Variants in COL13A1 observed in about 807,000 individuals in gnomAD.
COL13A1 encodes collagen type XIII alpha 1 chain.
Under a neutral mutation model 130.9 loss-of-function variants are expected in COL13A1, and 89 were observed. The ratio of observed to expected loss-of-function variants is 0.68; its 90% CI spans 0.57 to 0.81. COL13A1 has a LOEUF of 0.81. COL13A1 is among the 30% of genes least tolerant of loss of function. The probability of loss-of-function intolerance (pLI) is 0.00; values close to 1 mark genes in which losing one functional copy is unlikely to be tolerated. For missense variants in COL13A1, 879 were observed against 934.6 expected, an observed-to-expected ratio of 0.94 and a Z score of 0.78; for synonymous variants, 402 against 341.6, an observed-to-expected ratio of 1.18 and a Z score of -1.95.
chr10:69,935,827 T>C (rs2066760191), intron 32 of COL13A1, among the ~76,000 whole-genome samples: 1 of 151,600 alleles, frequency 6.6e-6, no homozygotes, highest in African/African-American at 2.4e-5. Flanking sequence ...CTGGGCAACA[T>C]AATGAAACCC....
chr10:69,873,049 C>A (rs1284728606), intron 4 of COL13A1, among the ~76,000 whole-genome samples: 1 of 152,076 alleles, frequency 6.6e-6, no homozygotes, highest in Non-Finnish European at 1.5e-5. Flanking sequence ...GGTATGTGTA[C>A]CATGGGCCCT....
At chr10:69,957,846 C>T (rs1387195913) in intron 40 of COL13A1, among the ~76,000 whole-genome samples, 1 of 152,148 alleles carries the variant, frequency 6.6e-6, no homozygotes, top group East Asian at 1.9e-4. Context: ...CTCACCAACC[C>T]CCCACCACCA....
Position 69,802,332 on chromosome 10 carries a change from C to T in COL13A1, c.-92C>T. 1 of 1,317,254 alleles carries T rather than the reference C, an allele frequency of 7.6e-7. No homozygotes were observed. The highest frequency in any genetic ancestry group is 9.8e-7 in the Non-Finnish European group (1 of 1,021,128). 81.6% of individuals were successfully genotyped at this position (1,317,254 alleles called of 1,614,324 possible). On this transcript the variant is annotated 5_prime_UTR_variant, in exon 1 of 41. Coordinates refer to ENST00000645393, the MANE Select transcript of COL13A1 (RefSeq NM_001368882.1). ...TTTCCAGCGATACAAGCCCTTTCCC[C>T]CTGCCCCGCAGTTTGGATAGAGCCT...
intron 7 of COL13A1, among the ~76,000 whole-genome samples, chr10:69,886,404 C>T (rs990710677): frequency 6.6e-6 from 1 of 152,194 alleles, no homozygotes; most frequent in African/African-American, 2.4e-5. Context: ...AGAATTTAGT[C>T]TGCCAGTCTA....
intron 38 of COL13A1, among the ~76,000 whole-genome samples, chr10:69,949,956 TTGTGTGTGCG>T (rs1565161268): frequency 7.1e-6 from 1 of 139,936 alleles, no homozygotes; most frequent in Non-Finnish European, 1.6e-5. Flanking sequence ...GTGCGTGTGT[TTGTGTGTGCG>T]TGTGTGTGTG....
chr10:69,938,113 G>A (rs1278396008), intron 34 of COL13A1, among the ~76,000 whole-genome samples: 2 of 152,242 alleles, frequency 1.3e-5, no homozygotes, highest in Non-Finnish European at 2.9e-5. Flanking sequence ...GGGACCCCAA[G>A]AGAACTCTTG....
rs1181863621 is a variant in COL13A1, at chr10:69,889,490, G to T, written c.603+50G>T. Reference sequence around the variant, plus strand: ...CCCGAGATGGGTGGGGGTTGGCCCAGCCTCACAGGCACAGCCAAGCACTGC... The same window carrying T: ...CCCGAGATGGGTGGGGGTTGGCCCATCCTCACAGGCACAGCCAAGCACTGC... On this transcript the variant is annotated intron_variant, in intron 10 of 40. Transcript: ENST00000645393. The T allele has an allele frequency of 2.5e-6, 4 of 1,598,988 alleles. No individual in the cohort carries two copies. In the African/African-American group the frequency reaches 5.4e-5, roughly 21 times the overall value.
At chr10:69,881,939 C>G (rs573022015) in intron 7 of COL13A1, among the ~76,000 whole-genome samples, 2 of 152,332 alleles carry the variant, frequency 1.3e-5, no homozygotes, top group African/African-American at 4.8e-5. Flanking sequence ...CCATCTGGCT[C>G]CAGTCTGCTT....
intron 2 of COL13A1, among the ~76,000 whole-genome samples, chr10:69,862,815 G>A (rs531593021): frequency 7.9e-5 from 12 of 152,252 alleles, no homozygotes; most frequent in African/African-American, 2.9e-4. Flanking sequence ...CTGTAGAGTG[G>A]GAACAATAAC....
At chr10:69,808,071 A>C (rs73263799) in intron 1 of COL13A1, among the ~76,000 whole-genome samples, 103 of 152,288 alleles carry the variant, frequency 6.8e-4, no homozygotes, top group African/African-American at 2.4e-3. Flanking sequence ...ACAGGTGCTT[A>C]CTATAAAGGC....
At chr10:69,816,196 T>C (rs964749383) in intron 1 of COL13A1, among the ~76,000 whole-genome samples, 1 of 146,486 alleles carries the variant, frequency 6.8e-6, no homozygotes, top group Non-Finnish European at 1.5e-5. Flanking sequence ...GTGGTAGTCA[T>C]GGAGGTGGTG....
chr10:69,811,150 TCTC>T (rs1842937433), intron 1 of COL13A1, among the ~76,000 whole-genome samples: 1 of 152,074 alleles, frequency 6.6e-6, no homozygotes, highest in African/African-American at 2.4e-5. Flanking sequence ...TCTGGGTCAT[TCTC>T]CTTTGAGCAT....
At chr10:69,855,315 T>C (rs1856099384) in intron 2 of COL13A1, among the ~76,000 whole-genome samples, 1 of 152,162 alleles carries the variant, frequency 6.6e-6, no homozygotes. Context: ...TTTCTTTATT[T>C]CTTCCTGGCC....
intron 38 of COL13A1, among the ~76,000 whole-genome samples, chr10:69,950,127 A>G (rs75919229): frequency 0.013 from 1,966 of 151,678 alleles, 44 homozygotes; most frequent in Middle Eastern, 0.058. Context: ...TAATAGTCCC[A>G]CGTCCTTCAT....
In COL13A1 at chr10:69,945,855, G is replaced by A. The variant is rs1193009779; in HGVS notation, c.2022+131G>A. The A allele has an allele frequency of 7.3e-6, 8 of 1,099,360 alleles. No individual in the cohort carries two copies. In the African/African-American group the frequency reaches 7.9e-5, roughly 11 times the overall value. 68.1% of individuals were successfully genotyped at this position (1,099,360 alleles called of 1,614,324 possible). On this transcript the variant is annotated intron_variant, in intron 37 of 40. Coordinates refer to ENST00000645393, the MANE Select transcript of COL13A1 (RefSeq NM_001368882.1). Reference sequence around the variant, plus strand: ...TGGGAGGCCGAGGCGGGCGCATCACGAGGTCAGGAGATCAAGACTATCCTG... The same window carrying A: ...TGGGAGGCCGAGGCGGGCGCATCACAAGGTCAGGAGATCAAGACTATCCTG...
rs527690170 is a variant in COL13A1, at chr10:69,942,189, G to A, written c.1914+1166G>A. ...ACCTCTGTGAGAGCCCCATCCTACT[G>A]AATGCCTATTCTGTGCCCTCATAAA... On this transcript the variant is annotated intron_variant, in intron 35 of 40. Transcript: ENST00000645393. 2.0e-5 allele frequency among the ~76,000 whole-genome samples: 3 copies of A among 152,280 alleles called. No homozygotes were observed. The East Asian group carries it at 5.8e-4, about 29-fold the overall frequency.
chr10:69,937,071 C>T (rs1183651455), intron 33 of COL13A1, among the ~76,000 whole-genome samples: 1 of 152,224 alleles, frequency 6.6e-6, no homozygotes. Context: ...CCCCTTCACT[C>T]ATGCCGAGTA....
At chr10:69,804,124 C>A (rs116918582) in intron 1 of COL13A1, among the ~76,000 whole-genome samples, 1 of 152,120 alleles carries the variant, frequency 6.6e-6, no homozygotes, top group African/African-American at 2.4e-5. Flanking sequence ...GTCCATGGTT[C>A]CCTGGGCCTG....
At chr10:69,914,307 C>G (rs904880742) in intron 17 of COL13A1, among the ~76,000 whole-genome samples, 1 of 151,928 alleles carries the variant, frequency 6.6e-6, no homozygotes, top group African/African-American at 2.4e-5. Flanking sequence ...TTTTCTGGAG[C>G]TGCCAACCAA....
Sources: allele counts gnomAD v4.1 joint callset (sites outside exome capture counted in the v4.1 genomes callset), GRCh38; gene constraint gnomAD v4.1.1; transcripts MANE v1.5; gene names NCBI Gene and HGNC (gene_info 2026-07-23, HGNC 2026-07-21).